The following ST6GALNAC3 variants were observed in gnomAD, a reference collection of about 807,000 sequenced individuals.
ST6GALNAC3 encodes the protein alpha-N-acetylgalactosaminide alpha-2,6-sialyltransferase 3.
A neutral mutation model predicts 32.7 loss-of-function variants in ST6GALNAC3; 25 were observed. The observed-to-expected ratio is 0.76, with a 90% CI of 0.56 to 1.07. The LOEUF (loss-of-function observed/expected upper bound fraction) is 1.07, where lower values mean the gene tolerates loss of function less well. Among genes scored for constraint, ST6GALNAC3 ranks in the 50% least tolerant of loss-of-function variants. The pLI, the probability that ST6GALNAC3 is intolerant of heterozygous loss-of-function variation, is 0.00. For missense variants in ST6GALNAC3, 355 were observed against 382.4 expected (o/e 0.93, Z 0.60); for synonymous variants, 129 against 133.1 (o/e 0.97, Z 0.21).
At chr1:76,468,378 A>G (rs937967142) in intron 3 of ST6GALNAC3, among the ~76,000 whole-genome samples, 2 of 152,090 alleles carry the variant, frequency 1.3e-5, no homozygotes, top group South Asian at 2.1e-4. Context: ...CTGCATTCAC[A>G]TGATAAGAAA....
chr1:76,429,931 A>G (rs1178968666), intron 3 of ST6GALNAC3, among the ~76,000 whole-genome samples: 2 of 152,148 alleles, frequency 1.3e-5, no homozygotes, highest in East Asian at 1.9e-4. Flanking sequence ...TTCTCTCCCC[A>G]AGAGGACTCA....
intron 3 of ST6GALNAC3, among the ~76,000 whole-genome samples, chr1:76,560,193 G>T (rs1019666202): frequency 1.3e-5 from 2 of 152,034 alleles, no homozygotes; most frequent in African/African-American, 4.8e-5. Flanking sequence ...AATCAAAATG[G>T]ATTTAAGACT....
chr1:76,583,253 C>T (rs1646916636), intron 3 of ST6GALNAC3, among the ~76,000 whole-genome samples: 1 of 152,134 alleles, frequency 6.6e-6, no homozygotes, highest in African/African-American at 2.4e-5. Context: ...TTTCTTTCTG[C>T]CCTATATTTT....
chr1:76,476,387 C>G (rs1487490596), intron 3 of ST6GALNAC3, among the ~76,000 whole-genome samples: 3 of 152,140 alleles, frequency 2.0e-5, no homozygotes, highest in Admixed American at 6.5e-5. Flanking sequence ...GCCTCATAGA[C>G]TGTAGTTTGC....
Position 76,370,002 on chromosome 1 carries a change from G to A in ST6GALNAC3, c.214-42006G>A, listed in dbSNP as rs561921905. Among the ~76,000 whole-genome samples the A allele has an allele frequency of 5.4e-4, 82 of 152,214 alleles. 1 individual carries two copies. The South Asian group carries it at 0.016, about 30-fold the overall frequency. On this transcript the variant is annotated intron_variant, in intron 2 of 4. Transcript: ENST00000328299. ...TGTTTGAGTCTGCAGTGGAGTTTTAGCCACAAATAAATGTTTTTCCTAAAA... is the reference window on the plus strand; with the variant it reads ...TGTTTGAGTCTGCAGTGGAGTTTTAACCACAAATAAATGTTTTTCCTAAAA...
At chr1:76,424,743 T>C (rs567892157) in intron 3 of ST6GALNAC3, among the ~76,000 whole-genome samples, 2 of 152,128 alleles carry the variant, frequency 1.3e-5, no homozygotes, top group African/African-American at 4.8e-5. Flanking sequence ...GTTTTGATTC[T>C]TAATATTGGC....
rs545875788 is a variant in ST6GALNAC3 at position 76,453,032 on chromosome 1, A to G, written c.623+40615A>G. Among the ~76,000 whole-genome samples the G allele has an allele frequency of 3.9e-5, 6 of 152,204 alleles. No individual in the cohort carries two copies. The South Asian group carries it at 1.2e-3, about 32-fold the overall frequency. On this transcript the variant is annotated intron_variant, in intron 3 of 4. Transcript: ENST00000328299. Reference sequence around the variant, plus strand: ...AAGGCTTGTATCTTTCCAGGAATTTATCCATCTCCTCTAGGTTTTCTAGTT... The same window carrying G: ...AAGGCTTGTATCTTTCCAGGAATTTGTCCATCTCCTCTAGGTTTTCTAGTT...
chr1:76,505,493 T>C (rs1263378649), intron 3 of ST6GALNAC3, among the ~76,000 whole-genome samples: 2 of 152,218 alleles, frequency 1.3e-5, no homozygotes, highest in Non-Finnish European at 2.9e-5. Flanking sequence ...CAGCTTGTCC[T>C]ACATCATCAA....
Position 76,369,315 on chromosome 1 carries a change from G to A in ST6GALNAC3, c.214-42693G>A, listed in dbSNP as rs150541935. The stretch of plus-strand genomic sequence containing the variant: ...TCACTGTGAATCCTGGCCAGAGCAA[G>A]CTGGTACCTTGACTACTCTTTTTTC... On this transcript the variant is annotated intron_variant, in intron 2 of 4. Transcript: ENST00000328299. Among the ~76,000 whole-genome samples the A allele has an allele frequency of 7.0e-4, 106 of 152,262 alleles. 2 individuals are homozygous for A. In the East Asian group the frequency reaches 0.019, roughly 28 times the overall value.
chr1:76,342,730 C>A (rs2100997421), intron 2 of ST6GALNAC3, among the ~76,000 whole-genome samples: 1 of 152,090 alleles, frequency 6.6e-6, no homozygotes, highest in East Asian at 1.9e-4. Flanking sequence ...TGCAACCTCA[C>A]TAATATCTGT....
At chr1:76,483,497 G>A (rs1159795383) in intron 3 of ST6GALNAC3, among the ~76,000 whole-genome samples, 1 of 152,144 alleles carries the variant, frequency 6.6e-6, no homozygotes, top group Admixed American at 6.5e-5. Context: ...ATTTTTTCAT[G>A]TGTCTGTTGG....
chr1:76,126,066 A>T (rs1649219809), intron 1 of ST6GALNAC3, among the ~76,000 whole-genome samples: 1 of 152,204 alleles, frequency 6.6e-6, no homozygotes, highest in Non-Finnish European at 1.5e-5. Context: ...GTTAATATAG[A>T]GACCCCCCAA....
At chr1:76,216,286 T>TCA (rs753698351) in intron 1 of ST6GALNAC3, among the ~76,000 whole-genome samples, 1 of 152,078 alleles carries the variant, frequency 6.6e-6, no homozygotes, top group Non-Finnish European at 1.5e-5. Flanking sequence ...AGACACAGAC[T>TCA]CACACACACA....
chr1:76,164,585 A>G (rs1378131855), intron 1 of ST6GALNAC3, among the ~76,000 whole-genome samples: 2 of 152,212 alleles, frequency 1.3e-5, no homozygotes, highest in Non-Finnish European at 2.9e-5. Flanking sequence ...TTGTTAGTCC[A>G]GTGATTACTT....
At chr1:76,536,434 G>C (rs931899458) in intron 3 of ST6GALNAC3, among the ~76,000 whole-genome samples, 23 of 152,122 alleles carry the variant, frequency 1.5e-4, no homozygotes, top group Middle Eastern at 3.4e-3. Context: ...ATGGTGTCAA[G>C]AAGGAGAAGT....
At chr1:76,529,894 C>T (rs1663147517) in intron 3 of ST6GALNAC3, among the ~76,000 whole-genome samples, 1 of 152,170 alleles carries the variant, frequency 6.6e-6, no homozygotes, top group Admixed American at 6.5e-5. Context: ...ATAGCTCATA[C>T]ATATAAAATG....
At chr1:76,395,769 G>T (rs1466491286) in intron 2 of ST6GALNAC3, among the ~76,000 whole-genome samples, 1 of 152,134 alleles carries the variant, frequency 6.6e-6, no homozygotes, top group East Asian at 1.9e-4. Context: ...GTGCTAAAAA[G>T]TTTATGTCAT....
intron 3 of ST6GALNAC3, among the ~76,000 whole-genome samples, chr1:76,582,792 T>C (rs962230734): frequency 4.6e-5 from 7 of 152,162 alleles, no homozygotes; most frequent in Admixed American, 6.6e-5. Flanking sequence ...TTGGAAGTAG[T>C]TTTCAAGTGA....
Position 76,174,431 on chromosome 1 carries a change from GT to G in ST6GALNAC3, c.18+99559del, listed in dbSNP as rs111990617. Among the ~76,000 whole-genome samples the G allele has an allele frequency of 3.1e-3, 432 of 141,288 alleles. 8 individuals carry two copies. The East Asian group carries it at 0.05, about 16-fold the overall frequency. The allele number at this position is 141,288 out of a possible 152,430, so 92.7% of individuals were successfully genotyped here. A position where few individuals can be genotyped will look rare whatever the true frequency, so the allele number is the denominator to read the frequency against. On this transcript the variant is annotated intron_variant, in intron 1 of 4. Coordinates refer to ENST00000328299, the MANE Select transcript of ST6GALNAC3 (RefSeq NM_152996.4). ...GCACATTCTGCACATGTATCTCATT[GT>G]TTTTTTTTTTTAGAAGAAATAAAAA...
Sources: gnomAD v4.1 joint callset for allele counts (sites outside exome capture counted in the v4.1 genomes callset) on GRCh38, gnomAD v4.1.1 for gene constraint, MANE v1.5 for transcripts, NCBI Gene and HGNC (gene_info 2026-07-23, HGNC 2026-07-21) for gene names.